Variants in EBNA1BP2 observed in about 807,000 individuals in gnomAD.
EBNA1BP2 encodes the protein probable rRNA-processing protein EBP2.
Under a neutral mutation model 43.5 loss-of-function variants are expected in EBNA1BP2, and 36 were observed. The observed-to-expected ratio is 0.83, with a 90% CI of 0.63 to 1.09. The LOEUF (loss-of-function observed/expected upper bound fraction) is 1.09, where lower values mean the gene tolerates loss of function less well. EBNA1BP2 is among the 50% of genes least tolerant of loss of function. The probability of loss-of-function intolerance (pLI) is 0.00; values close to 1 mark genes in which losing one functional copy is unlikely to be tolerated. For synonymous variants in EBNA1BP2, 127 were observed against 141.3 expected, an observed-to-expected ratio of 0.90 and a Z score of 0.72; for missense variants, 332 against 379.1, an observed-to-expected ratio of 0.88 and a Z score of 1.03.
chr1:43,171,395 G>T, intron 3 of EBNA1BP2, 84 bp downstream of exon 3: 1 of 1,499,218 alleles, frequency 6.7e-7, no homozygotes, highest in South Asian at 1.3e-5. Flanking sequence ...GGCTTATTCT[G>T]AGTGCAGACT....
rs1211114168 is a variant in EBNA1BP2, at chr1:43,166,927, TGAA to T, written c.614-11_614-9del. Reference sequence around the variant, plus strand: ...CCAGTTTATCAGAGAAGCCTGTAAGTGAAGAAGTAGTTTTGATCAGCACCATTG... The same window carrying T: ...CCAGTTTATCAGAGAAGCCTGTAAGTGAAGTAGTTTTGATCAGCACCATTG... On this transcript the variant is annotated splice_polypyrimidine_tract_variant and intron_variant, in intron 6 of 8. Coordinates refer to ENST00000236051, the MANE Select transcript of EBNA1BP2 (RefSeq NM_006824.3). The T allele has an allele frequency of 6.8e-6, 11 of 1,611,136 alleles. No individual in the cohort carries two copies. Among genetic ancestry groups the T allele is most frequent in the Admixed American group, 1.7e-5 (1 of 59,112 alleles).
At position 43,170,805 on chromosome 1, in the gene EBNA1BP2, G is replaced by A; in HGVS notation, c.398C>T (p.Pro133Leu). 1 of 1,607,672 alleles carries A rather than the reference G, an allele frequency of 6.2e-7. No homozygotes were observed. Among genetic ancestry groups the A allele is most frequent in the Non-Finnish European group, 8.5e-7 (1 of 1,177,444 alleles). ...GGCCATTTCCGCAAAATAATCAGTGGGTCGCTTCGTAGGGACTTTGAGCTG... is the reference window on the plus strand; with the variant it reads ...GGCCATTTCCGCAAAATAATCAGTGAGTCGCTTCGTAGGGACTTTGAGCTG... ...LHQLKVPTKR[P>L]TDYFAEMAKS... Residue 133 changes from proline (P) to leucine (L), a missense_variant, in exon 4 of 9, where the codon CCC becomes CTC. By Grantham distance (98) the Pro-to-Leu change is moderately conservative. Around this residue, in one of 3 missense-constraint regions of EBNA1BP2, gnomAD observed 182 missense variants for 173.7 expected, o/e 1.05. Coordinates refer to ENST00000236051, the MANE Select transcript of EBNA1BP2 (RefSeq NM_006824.3).
At chr1:43,169,127 A>G in intron 4 of EBNA1BP2, 99 bp from the exon 5 acceptor site, 1 of 1,249,274 alleles carries the variant, frequency 8.0e-7, no homozygotes, top group South Asian at 1.2e-5. Context: ...TGTTCTTTAA[A>G]CTGCGGAACT....
chr1:43,171,696 T>G (rs1644974872), intron 2 of EBNA1BP2, 45 bp from the exon 3 acceptor site: 1 of 1,601,280 alleles, frequency 6.2e-7, no homozygotes, highest in African/African-American at 1.3e-5. Context: ...AACTCTGAGT[T>G]TGTCTTTCCC....
chr1:43,172,423 C>A, upstream of EBNA1BP2: 4 of 1,551,024 alleles, frequency 2.6e-6, no homozygotes, highest in Non-Finnish European at 3.5e-6. Flanking sequence ...TGGATACATG[C>A]GTGGTCTGCT....
chr1:43,166,735 G>A (rs142183448), intron 7 of EBNA1BP2, 91 bp downstream of exon 7: 12 of 1,303,250 alleles, frequency 9.2e-6, no homozygotes, highest in Middle Eastern at 1.9e-4. Context: ...CTATGGCTGC[G>A]CCGGTGGAGG....
Position 43,172,275 on chromosome 1 carries a change from C to T in EBNA1BP2, c.-157G>A, listed in dbSNP as rs1178835903. On this transcript the variant is annotated 5_prime_UTR_variant, in exon 1 of 9. Coordinates refer to ENST00000236051, the MANE Select transcript of EBNA1BP2 (RefSeq NM_006824.3). The stretch of plus-strand genomic sequence containing the variant: ...CACCGAATCGCTCCAGCGCCAGCAA[C>T]TCACAGCTACTGCTCAACTTTTGAT... The T allele has an allele frequency of 1.3e-6, 2 of 1,552,696 alleles. No individual in the cohort carries two copies. Among genetic ancestry groups the T allele is most frequent in the Admixed American group, 3.9e-5 (2 of 51,036 alleles).
upstream of EBNA1BP2, chr1:43,172,374 A>C: frequency 6.4e-7 from 1 of 1,551,476 alleles, no homozygotes; most frequent in South Asian, 1.2e-5. Flanking sequence ...GGCGTTTGAA[A>C]GTGTCCGGGT....
At chr1:43,166,322 T>C (rs1293178567) in intron 7 of EBNA1BP2, among the ~76,000 whole-genome samples, 1 of 152,076 alleles carries the variant, frequency 6.6e-6, no homozygotes, top group Non-Finnish European at 1.5e-5. Flanking sequence ...AAAAGTACCT[T>C]CTTAGGATGG....
chr1:43,169,107 A>C lies in EBNA1BP2; in HGVS notation c.448-79T>G, dbSNP rs1369573345. The C allele has an allele frequency of 2.1e-6, 3 of 1,421,994 alleles. No individual in the cohort carries two copies. The African/African-American group carries it at 4.2e-5, about 20-fold the overall frequency. 88.1% of individuals were successfully genotyped at this position (1,421,994 alleles called of 1,614,324 possible). ...CTTAGGATTCGCTAGAGCAGGGAAC[A>C]GATATTCCCTGTTCTTTAAACTGCG... On this transcript the variant is annotated intron_variant, in intron 4 of 8. Transcript: ENST00000236051.
chr1:43,172,211 G>A lies in EBNA1BP2; in HGVS notation c.-93C>T. The A allele has an allele frequency of 6.3e-7, 1 of 1,589,992 alleles. No individual in the cohort carries two copies. The highest frequency in any genetic ancestry group is 1.1e-5 in the South Asian group (1 of 88,874). On this transcript the variant is annotated 5_prime_UTR_variant, in exon 1 of 9. Transcript: ENST00000236051. ...AGGGCGGCCCTGGCCGCTGCTGCCTGCCTTCAGCCCCCTACTCCCACGCCG... is the reference window on the plus strand; with the variant it reads ...AGGGCGGCCCTGGCCGCTGCTGCCTACCTTCAGCCCCCTACTCCCACGCCG...
intron 5 of EBNA1BP2, among the ~76,000 whole-genome samples, chr1:43,168,365 T>C (rs1644932079): frequency 6.6e-6 from 1 of 152,222 alleles, no homozygotes; most frequent in Non-Finnish European, 1.5e-5. Context: ...TAGATGACCA[T>C]GAAATAAAAA....
At chr1:43,171,777 G>C in intron 2 of EBNA1BP2, 109 bp downstream of exon 2, 1 of 1,563,624 alleles carries the variant, frequency 6.4e-7, no homozygotes, top group African/African-American at 1.4e-5. Flanking sequence ...GACCCTCTTG[G>C]CGAGGCGCAG....
chr1:43,164,324 T>G lies in EBNA1BP2; in HGVS notation c.*119A>C. On this transcript the variant is annotated 3_prime_UTR_variant, in exon 9 of 9. Transcript: ENST00000236051. ...AAGGTATGTGTTCCTTTAATAATTTTTCTTTAGTTTATTGAAAGAAATGTT... is the reference window on the plus strand; with the variant it reads ...AAGGTATGTGTTCCTTTAATAATTTGTCTTTAGTTTATTGAAAGAAATGTT... 1 of 1,204,328 alleles carries G rather than the reference T, an allele frequency of 8.3e-7. No individual in the cohort carries two copies. The highest frequency in any genetic ancestry group is 1.2e-6 in the Non-Finnish European group (1 of 838,266). 74.6% of individuals were successfully genotyped at this position (1,204,328 alleles called of 1,614,324 possible). A position where few individuals can be genotyped will look rare whatever the true frequency, so the allele number is the denominator to read the frequency against.
At chr1:43,164,585 T>C in intron 8 of EBNA1BP2, 58 bp downstream of exon 8, 4 of 1,613,844 alleles carry the variant, frequency 2.5e-6, no homozygotes, top group South Asian at 1.1e-5. Flanking sequence ...GAGGGCAGGG[T>C]TGGGAGTGGG....
intron 5 of EBNA1BP2, among the ~76,000 whole-genome samples, chr1:43,168,504 C>G (rs747015414): frequency 3.3e-5 from 5 of 152,134 alleles, no homozygotes; most frequent in Non-Finnish European, 7.3e-5. Flanking sequence ...TCTTCAGGTA[C>G]GTGATTATCA....
At chr1:43,171,322 C>T in intron 3 of EBNA1BP2, 157 bp downstream of exon 3, 1 of 958,214 alleles carries the variant, frequency 1.0e-6, no homozygotes, top group Non-Finnish European at 1.4e-6. Flanking sequence ...AAGAGCTCTT[C>T]TCTCAAACAG....
Position 43,170,753 on chromosome 1 carries a change from T to C in EBNA1BP2, c.447+3A>G. 6.2e-7 allele frequency: 1 copy of C among 1,603,818 alleles called. No individual in the cohort carries two copies. The highest frequency in any genetic ancestry group is 8.5e-7 in the Non-Finnish European group (1 of 1,175,816). On this transcript the variant is annotated splice_donor_region_variant and intron_variant, in intron 4 of 8. Coordinates refer to ENST00000236051, the MANE Select transcript of EBNA1BP2 (RefSeq NM_006824.3). ...TTTCCAGAGGAAAACTTCTATTTCT[T>C]ACCTTCTGCATCTGCAGATCAGATT...
At position 43,169,046 on chromosome 1, in the gene EBNA1BP2, G is replaced by A. The variant is rs1644936160; in HGVS notation, c.448-18C>T. The A allele has an allele frequency of 2.5e-6, 4 of 1,612,426 alleles. No homozygotes were observed. The highest frequency in any genetic ancestry group is 2.5e-6 in the Non-Finnish European group (3 of 1,178,918). On this transcript the variant is annotated intron_variant, in intron 4 of 8. Transcript: ENST00000236051. ...TGTCGAATCTACAACACAAAATGCT[G>A]TCAGTTCATGTCATTTGAATCTGGA...
Sources: allele counts gnomAD v4.1 joint callset (sites outside exome capture counted in the v4.1 genomes callset), GRCh38; gene constraint gnomAD v4.1.1; regional missense constraint gnomAD v4.1.1; transcripts MANE v1.5; gene names NCBI Gene and HGNC (gene_info 2026-07-23, HGNC 2026-07-21).